Variants in SLC24A2 observed in about 807,000 individuals in gnomAD.
SLC24A2 encodes the protein sodium/potassium/calcium exchanger 2.
A neutral mutation model predicts 62.0 loss-of-function variants in SLC24A2; 36 were observed. That is an observed-to-expected ratio of 0.58 (90% CI 0.44 to 0.77). SLC24A2 has a LOEUF of 0.77. Among genes scored for constraint, SLC24A2 ranks in the 30% least tolerant of loss-of-function variants. SLC24A2 has a pLI of 0.00. For missense variants in SLC24A2, 846 were observed against 817.9 expected (o/e 1.03, Z -0.42); for synonymous variants, 358 against 294.0 (o/e 1.22, Z -2.23).
the SLC24A2 span, among the ~76,000 whole-genome samples, chr9:20,255,068 T>G: frequency 2.0e-5 from 3 of 152,166 alleles, no homozygotes; most frequent in Non-Finnish European, 4.4e-5. Context: ...AAGGTGAGAT[T>G]TGGGTTGGGA....
chr9:19,960,405 G>C, the SLC24A2 span, among the ~76,000 whole-genome samples: 1 of 151,846 alleles, frequency 6.6e-6, no homozygotes, highest in Non-Finnish European at 1.5e-5. Flanking sequence ...CTGTGCATTC[G>C]TGTGTAATGA....
At chr9:19,996,182 A>G in the SLC24A2 span, among the ~76,000 whole-genome samples, 5 of 152,170 alleles carry the variant, frequency 3.3e-5, no homozygotes, top group Non-Finnish European at 7.3e-5. Flanking sequence ...CTGGCTTCAG[A>G]TTTCAGAGAA....
At chr9:20,157,175 A>T in the SLC24A2 span, among the ~76,000 whole-genome samples, 12,360 of 151,672 alleles carry the variant, frequency 0.081, 1,228 homozygotes, top group East Asian at 0.47. Context: ...TAAATTTGTT[A>T]AACCATAGGA....
chr9:20,254,440 C>T, the SLC24A2 span, among the ~76,000 whole-genome samples: 1 of 152,178 alleles, frequency 6.6e-6, no homozygotes, highest in East Asian at 1.9e-4. Flanking sequence ...CAAATGTGTT[C>T]AATAGCAACA....
chr9:19,887,591 A>C, the SLC24A2 span, among the ~76,000 whole-genome samples: 1 of 152,218 alleles, frequency 6.6e-6, no homozygotes, highest in Admixed American at 6.5e-5. Flanking sequence ...GAACACTTCT[A>C]ACACTGCTGG....
chr9:20,258,825 C>G, the SLC24A2 span, among the ~76,000 whole-genome samples: 2 of 142,028 alleles, frequency 1.4e-5, no homozygotes, highest in African/African-American at 5.3e-5. Flanking sequence ...CCTTATCTAT[C>G]TATCTATCTG....
the SLC24A2 span, among the ~76,000 whole-genome samples, chr9:20,019,253 G>GAGAGAAAGAAAGAA: frequency 9.1e-6 from 1 of 109,746 alleles, no homozygotes; most frequent in Admixed American, 9.6e-5. Flanking sequence ...AAGAAGGAAA[G>GAGAGAAAGAAAGAA]AGAAAGAAAG....
intron 2 of SLC24A2, among the ~76,000 whole-genome samples, chr9:19,767,364 G>A (rs1822547919): frequency 6.6e-6 from 1 of 152,162 alleles, no homozygotes. Flanking sequence ...AAAAACTTCT[G>A]CAGCTAGCTC....
At chr9:20,241,740 G>T in the SLC24A2 span, among the ~76,000 whole-genome samples, 1 of 152,084 alleles carries the variant, frequency 6.6e-6, no homozygotes, top group Non-Finnish European at 1.5e-5. Flanking sequence ...GCCTAAGGCT[G>T]AGTAGAGAGG....
At chr9:20,097,055 A>G in the SLC24A2 span, among the ~76,000 whole-genome samples, 1 of 152,216 alleles carries the variant, frequency 6.6e-6, no homozygotes, top group Non-Finnish European at 1.5e-5. Context: ...AAATCAATAT[A>G]ATACATGATA....
At chr9:20,180,613 C>A in the SLC24A2 span, among the ~76,000 whole-genome samples, 7 of 152,052 alleles carry the variant, frequency 4.6e-5, no homozygotes, top group South Asian at 2.1e-4. Context: ...GCTGAATGAT[C>A]ACATTTAGAA....
chr9:20,221,087 G>A, the SLC24A2 span, among the ~76,000 whole-genome samples: 1 of 152,116 alleles, frequency 6.6e-6, no homozygotes, highest in Non-Finnish European at 1.5e-5. Context: ...GAGTGGTGAG[G>A]AAGAGAGACA....
the SLC24A2 span, among the ~76,000 whole-genome samples, chr9:20,020,978 G>A: frequency 8.5e-5 from 13 of 152,182 alleles, no homozygotes; most frequent in South Asian, 1.0e-3. Flanking sequence ...GGAGAATTAC[G>A]AATCAGAAGT....
chr9:19,910,262 C>A, the SLC24A2 span, among the ~76,000 whole-genome samples: 2 of 152,080 alleles, frequency 1.3e-5, no homozygotes, highest in East Asian at 3.9e-4. Context: ...TCATCCTGCT[C>A]CTTACCCTTC....
Position 19,597,245 on chromosome 9 carries a change from G to A in SLC24A2, c.1113C>T (p.Asp371=). Residue 371 remains aspartate, a synonymous_variant, in exon 5 of 11, where the codon GAC becomes GAT. Transcript: ENST00000341998. ...LGSYGKLKYY[D]TMTEEGRFRE... The stretch of plus-strand genomic sequence containing the variant: ...CATTCTTACCTTCTTCAGTCATTGT[G>A]TCATAATATTTTAGTTTTCCATATG... 1 of 1,587,312 alleles carries A rather than the reference G, an allele frequency of 6.3e-7. No individual in the cohort carries two copies. Among genetic ancestry groups the A allele is most frequent in the Non-Finnish European group, 8.7e-7 (1 of 1,155,768 alleles).
the SLC24A2 span, among the ~76,000 whole-genome samples, chr9:20,113,745 A>G: frequency 6.6e-6 from 1 of 152,160 alleles, no homozygotes; most frequent in African/African-American, 2.4e-5. Context: ...CCTATTTTCA[A>G]TTATTCTTCA....
At chr9:19,939,906 G>C in the SLC24A2 span, among the ~76,000 whole-genome samples, 2 of 152,202 alleles carry the variant, frequency 1.3e-5, no homozygotes, top group Non-Finnish European at 2.9e-5. Flanking sequence ...GGCACACTCA[G>C]ATAAAATGCT....
chr9:19,796,241 TGCACATGTACCCTAGAACTTAAAGTATAA>T, the SLC24A2 span, among the ~76,000 whole-genome samples: 1 of 151,904 alleles, frequency 6.6e-6, no homozygotes, highest in Non-Finnish European at 1.5e-5. Context: ...CTGCACGTTG[TGCACATGTACCCTAGAACTTAAAGTATAA>T]AAAAAAAAAA....
chr9:20,152,341 C>G, the SLC24A2 span, among the ~76,000 whole-genome samples: 1 of 151,830 alleles, frequency 6.6e-6, no homozygotes, highest in African/African-American at 2.4e-5. Context: ...GATAATCCCA[C>G]GTATTTTGCA....
Sources: allele counts gnomAD v4.1 joint callset (sites outside exome capture counted in the v4.1 genomes callset), GRCh38; gene constraint gnomAD v4.1.1; transcripts MANE v1.5; gene names NCBI Gene and HGNC (gene_info 2026-07-23, HGNC 2026-07-21).